The following CHLSN variants were observed in gnomAD, a reference collection of about 807,000 sequenced individuals.
The protein encoded by CHLSN is cholesin.
the CHLSN span, among the ~76,000 whole-genome samples, chr7:1,083,351 G>A: frequency 8.3e-4 from 127 of 152,296 alleles, no homozygotes; most frequent in African/African-American, 2.9e-3. Context: ...TGGGCCGGGC[G>A]CGGTGGCTCA....
chr7:1,107,251 A>C, the CHLSN span, among the ~76,000 whole-genome samples: 1 of 151,936 alleles, frequency 6.6e-6, no homozygotes, highest in Non-Finnish European at 1.5e-5. Flanking sequence ...CTCAGTGGGC[A>C]CTCCACAGCC....
At chr7:1,057,804 G>A in the CHLSN span, 1 of 776,208 alleles carries the variant, frequency 1.3e-6, no homozygotes, top group Non-Finnish European at 2.4e-6. Context: ...GCTGTGGAGT[G>A]TGGGCGGCGA....
At chr7:1,012,028 T>C in the CHLSN span, among the ~76,000 whole-genome samples, 66,841 of 152,056 alleles carry the variant, frequency 0.44, 14,904 homozygotes, top group Admixed American at 0.5. Flanking sequence ...ACCAGCTCCA[T>C]GCTCACCTCC....
the CHLSN span, among the ~76,000 whole-genome samples, chr7:982,083 A>G: frequency 6.6e-6 from 1 of 152,144 alleles, no homozygotes; most frequent in Admixed American, 6.5e-5. Flanking sequence ...TAATTAAGTA[A>G]GCTTTGCTAG....
At chr7:1,021,198 C>A in the CHLSN span, among the ~76,000 whole-genome samples, 1 of 151,630 alleles carries the variant, frequency 6.6e-6, no homozygotes, top group Non-Finnish European at 1.5e-5. Context: ...AGGTTGGGGA[C>A]CTCCAGACTG....
At chr7:1,000,334 C>A in the CHLSN span, 1 of 713,092 alleles carries the variant, frequency 1.4e-6, no homozygotes, top group South Asian at 1.9e-5. Context: ...GCCTGCCCCG[C>A]CGTGCACACA....
At chr7:987,611 A>G in the CHLSN span, 1 of 1,338,866 alleles carries the variant, frequency 7.5e-7, no homozygotes, top group Non-Finnish European at 9.9e-7. Flanking sequence ...GGGACGGCTG[A>G]GCGTCTGGTG....
At chr7:1,101,638 T>A in the CHLSN span, among the ~76,000 whole-genome samples, 5 of 152,324 alleles carry the variant, frequency 3.3e-5, no homozygotes, top group South Asian at 1.0e-3. Flanking sequence ...CCTTGCAGGG[T>A]GGACCGTCCC....
the CHLSN span, among the ~76,000 whole-genome samples, chr7:1,066,349 T>G: frequency 2.6e-5 from 4 of 152,214 alleles, no homozygotes; most frequent in African/African-American, 9.6e-5. Flanking sequence ...CCTAGCAGAT[T>G]TGGGGCCAGG....
chr7:1,051,405 C>T, the CHLSN span, among the ~76,000 whole-genome samples: 5 of 152,242 alleles, frequency 3.3e-5, no homozygotes, highest in Non-Finnish European at 7.3e-5. Context: ...GTTTCCCGCA[C>T]AGCGTGGGGA....
the CHLSN span, chr7:1,022,938 G>A: frequency 2.2e-6 from 1 of 459,960 alleles, no homozygotes; most frequent in Non-Finnish European, 4.4e-6. Flanking sequence ...TCCCGGCGCA[G>A]ACACTGGGGC....
At chr7:1,070,302 G>T in the CHLSN span, among the ~76,000 whole-genome samples, 1 of 144,074 alleles carries the variant, frequency 6.9e-6, no homozygotes, top group Non-Finnish European at 1.6e-5. Flanking sequence ...ATCCGGGAGG[G>T]AGGTGGGGGG....
At chr7:1,071,369 C>T in the CHLSN span, among the ~76,000 whole-genome samples, 4 of 152,198 alleles carry the variant, frequency 2.6e-5, no homozygotes, top group Non-Finnish European at 5.9e-5. Context: ...TGGCCCCGGG[C>T]TCTGTGGCAC....
chr7:1,074,274 G>A, the CHLSN span, among the ~76,000 whole-genome samples: 1 of 25,448 alleles, frequency 3.9e-5, no homozygotes, highest in Non-Finnish European at 7.4e-5. Flanking sequence ...GACACCCCCC[G>A]GCCCCCATCC....
At chr7:1,097,251 G>A in the CHLSN span, among the ~76,000 whole-genome samples, 17 of 152,310 alleles carry the variant, frequency 1.1e-4, no homozygotes, top group South Asian at 1.0e-3. The surrounding 1 kb of genome is among the most constrained non-coding windows in gnomAD (Gnocchi z 4.3). Context: ...CCAGGACTCC[G>A]GGAGAAATGG....
the CHLSN span, among the ~76,000 whole-genome samples, chr7:1,136,473 A>AAAT: frequency 6.5e-4 from 71 of 109,684 alleles, 3 homozygotes; most frequent in African/African-American, 3.2e-3. Flanking sequence ...AACATATATA[A>AAAT]ATATATAAAC....
At chr7:1,028,779 G>A in the CHLSN span, 1 of 798,446 alleles carries the variant, frequency 1.3e-6, no homozygotes, top group Non-Finnish European at 1.5e-6. Flanking sequence ...CTAGTCTGCC[G>A]CCATCTGTCC....
At chr7:1,134,915 A>C in the CHLSN span, among the ~76,000 whole-genome samples, 3 of 152,120 alleles carry the variant, frequency 2.0e-5, no homozygotes, top group Admixed American at 1.3e-4. Flanking sequence ...AGAGTCATCT[A>C]CCTGCCCTGT....
chr7:1,105,931 G>A, the CHLSN span, among the ~76,000 whole-genome samples: 4 of 152,152 alleles, frequency 2.6e-5, no homozygotes, highest in African/African-American at 9.7e-5. Flanking sequence ...CTGAGAGTTC[G>A]GCCGTGTCAG....
Sources: gnomAD v4.1 joint callset for allele counts (sites outside exome capture counted in the v4.1 genomes callset) on GRCh38, gnomAD v4.1.1 for gene constraint, Gnocchi (gnomAD v3.1) non-coding constraint, MANE v1.5 for transcripts, NCBI Gene and HGNC (gene_info 2026-07-23, HGNC 2026-07-21) for gene names.